The following SPINDOC variants were observed in gnomAD, a reference collection of about 807,000 sequenced individuals.
SPINDOC encodes spindlin interactor and repressor of chromatin binding.
In SPINDOC, 13 loss-of-function variants were observed where a neutral mutation model predicts 30.7. The observed-to-expected ratio is 0.42, with a 90% CI of 0.28 to 0.67. SPINDOC has a LOEUF of 0.67. SPINDOC is among the 30% of genes least tolerant of loss of function. The pLI, the probability that SPINDOC is intolerant of heterozygous loss-of-function variation, is 0.22. For synonymous variants in SPINDOC, 228 were observed against 211.4 expected, an observed-to-expected ratio of 1.08 and a Z score of -0.68; for missense variants, 438 against 518.0, an observed-to-expected ratio of 0.85 and a Z score of 1.50.
chr11:63,817,666 C>T (rs2015378380), intron 1 of SPINDOC, 139 bp from the exon 2 acceptor site: 1 of 779,566 alleles, frequency 1.3e-6, no homozygotes, highest in Non-Finnish European at 2.0e-6. Flanking sequence ...TCATGGGCTC[C>T]AGGGGAAGGA....
rs139279989 is a variant in SPINDOC, at chr11:63,827,044, C to T, written c.1051C>T (p.Arg351Cys). Reference protein sequence around the residue: ...DWSRHPQGTKRVGAGDTSDWP... With the variant: ...DWSRHPQGTKCVGAGDTSDWP... The stretch of plus-strand genomic sequence containing the variant: ...GTCCAGGCACCCCCAGGGCACCAAG[C>T]GTGTGGGAGCAGGTGACACCTCAGA... The change falls in exon 6 of 6, where the codon CGT (arginine) becomes TGT (cysteine). Residue 351 changes from arginine (R) to cysteine (C), a missense_variant. This residue lies in a region of SPINDOC where 300 missense variants were observed against 332.8 expected (regional missense o/e 0.90). Coordinates refer to ENST00000294244, the MANE Select transcript of SPINDOC (RefSeq NM_138471.3). 13 of 1,614,150 alleles carry T rather than the reference C, an allele frequency of 8.1e-6. No individual in the cohort carries two copies. In the African/African-American group the frequency reaches 9.3e-5, roughly 12 times the overall value.
At chr11:63,822,744 T>A (rs1232453512) in intron 5 of SPINDOC, 12 of 1,289,108 alleles carry the variant, frequency 9.3e-6, no homozygotes, top group Non-Finnish European at 1.2e-5. Flanking sequence ...TCTAAATGGC[T>A]GACCTCTTCC....
chr11:63,819,790 C>A (rs1215259894), intron 5 of SPINDOC, among the ~76,000 whole-genome samples: 1 of 152,178 alleles, frequency 6.6e-6, no homozygotes, highest in Admixed American at 6.5e-5. Context: ...AGCCACCGCA[C>A]CTGACCAGGT....
At chr11:63,814,538 A>G (rs2015288385) in intron 1 of SPINDOC, among the ~76,000 whole-genome samples, 1 of 152,198 alleles carries the variant, frequency 6.6e-6, no homozygotes. Context: ...GGAGCTTGCA[A>G]ACCGTAAGAA....
In SPINDOC at chr11:63,827,342, T is replaced by A; in HGVS notation, c.*203T>A. 1.1e-6 allele frequency: 1 copy of A among 906,404 alleles called. No individual in the cohort carries two copies. 56.1% of individuals were successfully genotyped at this position (906,404 alleles called of 1,614,324 possible). A position where few individuals can be genotyped will look rare whatever the true frequency, so the allele number is the denominator to read the frequency against. ...CAGGCCTGAGGTCGGCGAGGGTGGC[T>A]GAGGCTGTTGTGCAGTAGGGCACTG... On this transcript the variant is annotated 3_prime_UTR_variant, in exon 6 of 6. Coordinates refer to ENST00000294244, the MANE Select transcript of SPINDOC (RefSeq NM_138471.3).
At chr11:63,822,952 G>A in intron 5 of SPINDOC, 1 of 1,198,120 alleles carries the variant, frequency 8.3e-7, no homozygotes, top group Non-Finnish European at 1.1e-6. Context: ...GTGATCTGAG[G>A]GGGCGGAGGC....
intron 1 of SPINDOC, among the ~76,000 whole-genome samples, chr11:63,817,054 A>G (rs2015360110): frequency 6.6e-6 from 1 of 152,200 alleles, no homozygotes; most frequent in Middle Eastern, 3.4e-3. Context: ...GCATGCATCT[A>G]TCTGTAGCCC....
chr11:63,827,209 C>T lies in SPINDOC; in HGVS notation c.*70C>T. On this transcript the variant is annotated 3_prime_UTR_variant, in exon 6 of 6. Transcript: ENST00000294244. ...CCCAGTGGCTTATAACTCAGAGCTG[C>T]CTGGCTCACCCACCTGGTGGAGAGA... 1.3e-6 allele frequency: 2 copies of T among 1,566,900 alleles called. No individual in the cohort carries two copies. Among genetic ancestry groups the T allele is most frequent in the Non-Finnish European group, 1.7e-6 (2 of 1,156,590 alleles).
rs568698696 is a variant in SPINDOC at position 63,818,836 on chromosome 11, C to T, written c.768C>T (p.Phe256=). ...CGCCAGACTCGCCCACGGAGACTTT[C>T]GCAGCACCAGCCGAGGTCCGACACT... The part of the protein sequence containing the change: ...PPSPDSPTET[F]AAPAEVRHFT... The change falls in exon 5 of 6, where the codon TTC becomes TTT. Residue 256 remains phenylalanine (F), a synonymous_variant. Transcript: ENST00000294244. This position sits in a 1 kb window ranked among gnomAD's most constrained non-coding sequence, Gnocchi z 5.3. 20 of 1,613,986 alleles carry T rather than the reference C, an allele frequency of 1.2e-5. No homozygotes were observed. The highest frequency in any genetic ancestry group is 5.3e-5 in the African/African-American group (4 of 75,054).
rs1310152141 is a variant in SPINDOC, at chr11:63,820,907, AC to A, written c.934+1906del. ...TCCGTCTCAAAAAAAAAAAAAAAAAACAACACACATCGCTTGTGCCTGTAGT... is the reference window on the plus strand; with the variant it reads ...TCCGTCTCAAAAAAAAAAAAAAAAAAAACACACATCGCTTGTGCCTGTAGT... On this transcript the variant is annotated intron_variant, in intron 5 of 5. Transcript: ENST00000294244. 8.0e-4 allele frequency among the ~76,000 whole-genome samples: 118 copies of A among 147,940 alleles called. 1 individual carries two copies. Among genetic ancestry groups the A allele is most frequent in the African/African-American group, 2.9e-3 (116 of 40,404 alleles).
rs375977183 is a variant in SPINDOC, at chr11:63,818,690, G to A, written c.733+38G>A. On this transcript the variant is annotated intron_variant, in intron 4 of 5. Transcript: ENST00000294244. This position sits in a 1 kb window ranked among gnomAD's most constrained non-coding sequence, Gnocchi z 5.3. ...CCCGGGGGAGGCGTGGGCTCTGGCC[G>A]CAGTGCTCTGAGGAAATCCGCATCA... 2.2e-4 allele frequency: 358 copies of A among 1,612,158 alleles called. No individual in the cohort carries two copies. The African/African-American group carries it at 4.0e-3, about 18-fold the overall frequency.
Position 63,827,068 on chromosome 11 carries a change from G to A in SPINDOC, c.1075G>A (p.Asp359Asn). ...GCGTGTGGGAGCAGGTGACACCTCAGACTGGCCCACAGTTCTGTCAGAATC... is the reference window on the plus strand; with the variant it reads ...GCGTGTGGGAGCAGGTGACACCTCAAACTGGCCCACAGTTCTGTCAGAATC... The part of the protein sequence containing the change: ...TKRVGAGDTS[D>N]WPTVLSESST... The change falls in exon 6 of 6, where the codon GAC becomes AAC. Residue 359 changes from aspartate (D) to asparagine (N), a missense_variant. Around this residue, in one of 3 missense-constraint regions of SPINDOC, gnomAD observed 300 missense variants for 332.8 expected, o/e 0.90. Transcript: ENST00000294244. 6.2e-7 allele frequency: 1 copy of A among 1,613,960 alleles called. No individual in the cohort carries two copies. Among genetic ancestry groups the A allele is most frequent in the Non-Finnish European group, 8.5e-7 (1 of 1,179,908 alleles).
chr11:63,826,843 T>A, intron 5 of SPINDOC, 85 bp from the exon 6 acceptor site: 1 of 710,460 alleles, frequency 1.4e-6, no homozygotes, highest in Non-Finnish European at 2.6e-6. Context: ...GAAATGTGGG[T>A]ACAGTTTGCG....
At position 63,818,497 on chromosome 11, in the gene SPINDOC, A is replaced by C; in HGVS notation, c.608-30A>C. ...GGCAGGGTTCGGGGATGGCCTCTTT[A>C]AAAGGGTATGAGGTCTTTTCTTTTT... On this transcript the variant is annotated intron_variant, in intron 3 of 5. Coordinates refer to ENST00000294244, the MANE Select transcript of SPINDOC (RefSeq NM_138471.3). This position sits in a 1 kb window ranked among gnomAD's most constrained non-coding sequence, Gnocchi z 5.3. 1.2e-6 allele frequency: 2 copies of C among 1,608,066 alleles called. No individual in the cohort carries two copies. Among genetic ancestry groups the C allele is most frequent in the Non-Finnish European group, 1.7e-6 (2 of 1,179,272 alleles).
In SPINDOC at chr11:63,818,348, G is replaced by T. The variant is rs1232696994; in HGVS notation, c.590G>T (p.Arg197Leu). 1.9e-6 allele frequency: 3 copies of T among 1,613,708 alleles called. No individual in the cohort carries two copies. Among genetic ancestry groups the T allele is most frequent in the Non-Finnish European group, 2.5e-6 (3 of 1,179,934 alleles). ...AAAAGGAGCCGGCCCAGGGGACTCCGCCCCCTCGAGCTTCCTGGTTAGTCA... is the reference window on the plus strand; with the variant it reads ...AAAAGGAGCCGGCCCAGGGGACTCCTCCCCCTCGAGCTTCCTGGTTAGTCA... ...LPKRSRPRGL[R>L]PLELPAVPAT... Residue 197 changes from arginine to leucine, a missense_variant, in exon 3 of 6, where the codon CGC becomes CTC. Arg to Leu is a moderately radical substitution (Grantham distance 102, BLOSUM62 -2). Around this residue, in one of 3 missense-constraint regions of SPINDOC, gnomAD observed 300 missense variants for 332.8 expected, o/e 0.90. Coordinates refer to ENST00000294244, the MANE Select transcript of SPINDOC (RefSeq NM_138471.3). The surrounding 1 kb of genome is among the most constrained non-coding windows in gnomAD (Gnocchi z 5.3).
rs780255272 is a variant in SPINDOC at position 63,818,778 on chromosome 11, G to GTTCCATCCCGTCCTCCC, written c.734-18_734-2dup. ...AGCTCCTGAGGCTTTTTCACTCACA[G>GTTCCATCCCGTCCTCCC]TTCCATCCCGTCCTCCCTTCCAGAG... On this transcript the variant is annotated intron_variant, in intron 4 of 5. Transcript: ENST00000294244. This position sits in a 1 kb window ranked among gnomAD's most constrained non-coding sequence, Gnocchi z 5.3. The GTTCCATCCCGTCCTCCC allele has an allele frequency of 5.6e-6, 9 of 1,613,116 alleles. No homozygotes were observed. In the South Asian group the frequency reaches 9.9e-5, roughly 18 times the overall value.
intron 5 of SPINDOC, chr11:63,822,767 G>A: frequency 7.8e-7 from 1 of 1,289,040 alleles, no homozygotes; most frequent in East Asian, 5.5e-5. Context: ...TGTCTAATGG[G>A]TCTTCTGATT....
At chr11:63,824,698 T>C (rs961706787) in intron 5 of SPINDOC, among the ~76,000 whole-genome samples, 3 of 150,848 alleles carry the variant, frequency 2.0e-5, no homozygotes, top group East Asian at 3.9e-4. Context: ...TCTACATGGG[T>C]GTCTAAAAGA....
intron 1 of SPINDOC, among the ~76,000 whole-genome samples, chr11:63,815,790 G>A (rs1330230329): frequency 1.3e-5 from 2 of 149,202 alleles, no homozygotes; most frequent in East Asian, 2.0e-4. Context: ...TTTTTGAGAC[G>A]GAGTTTTGCT....
Sources: allele counts gnomAD v4.1 joint callset (sites outside exome capture counted in the v4.1 genomes callset), GRCh38; gene constraint gnomAD v4.1.1; regional missense constraint gnomAD v4.1.1; non-coding constraint Gnocchi (gnomAD v3.1); transcripts MANE v1.5; gene names NCBI Gene and HGNC (gene_info 2026-07-23, HGNC 2026-07-21).